Variants in EAF1 observed in about 807,000 individuals in gnomAD.
EAF1 encodes ELL-associated factor 1.
In EAF1, 19 loss-of-function variants were observed where a neutral mutation model predicts 26.6. The ratio of observed to expected loss-of-function variants is 0.71; its 90% CI spans 0.50 to 1.05. The LOEUF (loss-of-function observed/expected upper bound fraction) is 1.05. Among genes scored for constraint, EAF1 ranks in the 50% least tolerant of loss-of-function variants. The probability of loss-of-function intolerance (pLI) is 0.00; values close to 1 mark genes in which losing one functional copy is unlikely to be tolerated. For missense variants in EAF1, 260 were observed against 335.5 expected, an observed-to-expected ratio of 0.78 and a Z score of 1.76; for synonymous variants, 102 against 120.6, an observed-to-expected ratio of 0.85 and a Z score of 1.01.
chr3:15,435,981 C>T (rs2061832285), intron 4 of EAF1, among the ~76,000 whole-genome samples: 1 of 152,192 alleles, frequency 6.6e-6, no homozygotes, highest in South Asian at 2.1e-4. Context: ...TAATATTTGT[C>T]TTCTCTTATG....
At chr3:15,432,347 G>A in intron 3 of EAF1, 124 bp downstream of exon 3, 10 of 1,189,140 alleles carry the variant, frequency 8.4e-6, no homozygotes, top group Non-Finnish European at 1.2e-5. Context: ...AACACTACCT[G>A]TGCTCAGACA....
chr3:15,436,783 G>A (rs1432389188), intron 5 of EAF1: 4 of 446,430 alleles, frequency 9.0e-6, no homozygotes, highest in Non-Finnish European at 1.2e-5. Flanking sequence ...ATTCCCCACT[G>A]GCTCATACCG....
Position 15,427,893 on chromosome 3 carries a change from G to T in EAF1, c.103+11G>T. 1.3e-6 allele frequency: 2 copies of T among 1,534,452 alleles called. No individual in the cohort carries two copies. The highest frequency in any genetic ancestry group is 1.8e-6 in the Non-Finnish European group (2 of 1,136,576). On this transcript the variant is annotated intron_variant, in intron 1 of 5. Coordinates refer to ENST00000396842, the MANE Select transcript of EAF1 (RefSeq NM_033083.7). ...TCCACACTATTCGTTGTAAGTCAGC[G>T]CTCCCCACGGTTCCCTTCGGCCGCT...
rs2061820656 is a variant in EAF1 at position 15,434,236 on chromosome 3, G to A, written c.336-112G>A. On this transcript the variant is annotated intron_variant, in intron 3 of 5. Coordinates refer to ENST00000396842, the MANE Select transcript of EAF1 (RefSeq NM_033083.7). ...ATTACAAGTATCAGTATTTTGAAGT[G>A]GTCTGGAAAGAACATGGGGTTCTAC... 3 of 1,204,648 alleles carry A rather than the reference G, an allele frequency of 2.5e-6. No homozygotes were observed. In the African/African-American group the frequency reaches 4.6e-5, roughly 18 times the overall value. The allele number at this position is 1,204,648 out of a possible 1,614,324, so 74.6% of individuals were successfully genotyped here. A position where few individuals can be genotyped will look rare whatever the true frequency, so the allele number is the denominator to read the frequency against.
intron 1 of EAF1, among the ~76,000 whole-genome samples, chr3:15,428,291 T>G (rs2061770427): frequency 6.6e-6 from 1 of 151,778 alleles, no homozygotes; most frequent in African/African-American, 2.4e-5. Flanking sequence ...TCTCCACATT[T>G]AAAAGACGCT....
intron 5 of EAF1, among the ~76,000 whole-genome samples, chr3:15,437,362 A>G (rs1284276890): frequency 7.0e-6 from 1 of 142,722 alleles, no homozygotes; most frequent in Non-Finnish European, 1.5e-5. Context: ...CACATTGCCC[A>G]GGCTGGTCTC....
rs548787128 is a variant in EAF1 at position 15,427,729 on chromosome 3, C to T, written c.-51C>T. Reference sequence around the variant, plus strand: ...AGACGCCAGCGCCAGAAGCTCGGATCGCGGCTGCACCGGGAGAGCGCCGAT... The same window carrying T: ...AGACGCCAGCGCCAGAAGCTCGGATTGCGGCTGCACCGGGAGAGCGCCGAT... On this transcript the variant is annotated 5_prime_UTR_variant, in exon 1 of 6. Coordinates refer to ENST00000396842, the MANE Select transcript of EAF1 (RefSeq NM_033083.7). The T allele has an allele frequency of 7.9e-6, 12 of 1,524,298 alleles. No homozygotes were observed. The highest frequency in any genetic ancestry group is 1.1e-5 in the Non-Finnish European group (12 of 1,124,238). 94.4% of individuals were successfully genotyped at this position (1,524,298 alleles called of 1,614,324 possible).
At position 15,439,361 on chromosome 3, in the gene EAF1, T is replaced by G; in HGVS notation, c.*206T>G. 1 of 477,486 alleles carries G rather than the reference T, an allele frequency of 2.1e-6. No individual in the cohort carries two copies. The highest frequency in any genetic ancestry group is 4.4e-5 in the South Asian group (1 of 22,630). The allele number at this position is 477,486 out of a possible 1,614,324, so 29.6% of individuals were successfully genotyped here. A position where few individuals can be genotyped will look rare whatever the true frequency, so the allele number is the denominator to read the frequency against. ...TGTCATTTTTGAACAATCTCATCTT[T>G]CAAAGTTTAAGTAGACCTGTAGAAG... On this transcript the variant is annotated 3_prime_UTR_variant, in exon 6 of 6. Transcript: ENST00000396842.
At chr3:15,436,800 G>C (rs959525049) in intron 5 of EAF1, 3 of 428,360 alleles carry the variant, frequency 7.0e-6, no homozygotes, top group African/African-American at 2.0e-5. Flanking sequence ...ACCGGTGTTT[G>C]TGAATTCTAG....
At position 15,427,886 on chromosome 3, in the gene EAF1, A is replaced by G; in HGVS notation, c.103+4A>G. On this transcript the variant is annotated splice_donor_region_variant and intron_variant, in intron 1 of 5. Coordinates refer to ENST00000396842, the MANE Select transcript of EAF1 (RefSeq NM_033083.7). The stretch of plus-strand genomic sequence containing the variant: ...GCCTCCTTCCACACTATTCGTTGTA[A>G]GTCAGCGCTCCCCACGGTTCCCTTC... 6.5e-7 allele frequency: 1 copy of G among 1,540,894 alleles called. No individual in the cohort carries two copies. Among genetic ancestry groups the G allele is most frequent in the Non-Finnish European group, 8.8e-7 (1 of 1,140,476 alleles).
In EAF1 at chr3:15,439,089, TTA is replaced by T. The variant is rs1468651550; in HGVS notation, c.761-18_761-17del. ...TTTTGTTTGATTCTATGATTTTACT[TTA>T]TTTTTTTTTTTAAATAGGAAATGAC... On this transcript the variant is annotated intron_variant, in intron 5 of 5. Transcript: ENST00000396842. 5 of 1,600,120 alleles carry T rather than the reference TTA, an allele frequency of 3.1e-6. No homozygotes were observed. Among genetic ancestry groups the T allele is most frequent in the East Asian group, 4.5e-5 (2 of 44,654 alleles).
Position 15,427,829 on chromosome 3 carries a change from G to A in EAF1, c.50G>A (p.Arg17Lys). 1 of 1,551,298 alleles carries A rather than the reference G, an allele frequency of 6.4e-7. No individual in the cohort carries two copies. Among genetic ancestry groups the A allele is most frequent in the Non-Finnish European group, 8.7e-7 (1 of 1,146,824 alleles). ...PLLDREEHCLRLGESFEKRPR... is the reference protein window; with the variant it reads ...PLLDREEHCLKLGESFEKRPR... ...CTGGACCGCGAGGAACATTGCCTGA[G>A]GCTCGGGGAGAGCTTCGAGAAGCGG... The change falls in exon 1 of 6, where the codon AGG becomes AAG. Residue 17 changes from arginine (R) to lysine (K), a missense_variant. Physicochemically the swap from Arg to Lys is conservative, Grantham distance 26 (BLOSUM62 2). Coordinates refer to ENST00000396842, the MANE Select transcript of EAF1 (RefSeq NM_033083.7).
At chr3:15,437,247 T>C (rs2061841175) in intron 5 of EAF1, among the ~76,000 whole-genome samples, 1 of 42,440 alleles carries the variant, frequency 2.4e-5, no homozygotes, top group African/African-American at 1.1e-4. Context: ...GTGTGGTGGC[T>C]TTTTTTTTTT....
intron 4 of EAF1, 67 bp from the exon 5 acceptor site, chr3:15,436,275 T>C: frequency 3.3e-6 from 4 of 1,229,082 alleles, no homozygotes; most frequent in Non-Finnish European, 2.2e-6. Context: ...TTACTATTTA[T>C]AGAAGCTCCA....
chr3:15,436,574 CAGTA>C lies in EAF1; in HGVS notation c.760+3_760+6del. The C allele has an allele frequency of 6.3e-7, 1 of 1,579,530 alleles. No homozygotes were observed. The highest frequency in any genetic ancestry group is 8.7e-7 in the Non-Finnish European group (1 of 1,152,370). On this transcript the variant is annotated splice_donor_variant and splice_donor_region_variant and coding_sequence_variant and intron_variant, in exon 5 of 6. Transcript: ENST00000396842. LOFTEE classifies it high-confidence loss of function. The stretch of plus-strand genomic sequence containing the variant: ...GAAGCAACCAGCTCATGAACACCCT[CAGTA>C]AGTGTGTACTCCTTTTTATGGCTGA...
At chr3:15,436,683 T>G in intron 5 of EAF1, 108 bp downstream of exon 5, 2 of 954,754 alleles carry the variant, frequency 2.1e-6, no homozygotes, top group East Asian at 5.1e-5. Context: ...TGGGAGAGGA[T>G]CTTGTTAAAA....
intron 2 of EAF1, among the ~76,000 whole-genome samples, chr3:15,431,223 C>T (rs557350318): frequency 6.6e-6 from 1 of 152,296 alleles, no homozygotes; most frequent in African/African-American, 2.4e-5. Flanking sequence ...TAACCTTGAA[C>T]AAAACAAGCA....
At chr3:15,428,199 C>G (rs190611032) in intron 1 of EAF1, among the ~76,000 whole-genome samples, 1 of 150,922 alleles carries the variant, frequency 6.6e-6, no homozygotes, top group African/African-American at 2.4e-5. Flanking sequence ...CCTCCCTCCC[C>G]CAAGGCAAAC....
Position 15,436,599 on chromosome 3 carries a change from G to A in EAF1, c.760+24G>A, listed in dbSNP as rs774949821. On this transcript the variant is annotated intron_variant, in intron 5 of 5. Transcript: ENST00000396842. ...CAGTAAGTGTGTACTCCTTTTTATG[G>A]CTGAGAGAGGGCCATAGGTGCAGCT... 55 of 1,532,628 alleles carry A rather than the reference G, an allele frequency of 3.6e-5. No individual in the cohort carries two copies. The East Asian group carries it at 1.2e-3, about 34-fold the overall frequency. The allele number at this position is 1,532,628 out of a possible 1,614,324, so 94.9% of individuals were successfully genotyped here.
Sources: gnomAD v4.1 joint callset for allele counts (sites outside exome capture counted in the v4.1 genomes callset) on GRCh38, gnomAD v4.1.1 for gene constraint, MANE v1.5 for transcripts, NCBI Gene and HGNC (gene_info 2026-07-23, HGNC 2026-07-21) for gene names.